Variants in ELMO1 observed in about 807,000 individuals in gnomAD.
ELMO1 encodes the protein engulfment and cell motility protein 1.
Under a neutral mutation model 98.9 loss-of-function variants are expected in ELMO1, and 26 were observed. That is an observed-to-expected ratio of 0.26 (90% CI 0.19 to 0.36). The LOEUF (loss-of-function observed/expected upper bound fraction) is 0.36. Ranked by LOEUF, ELMO1 falls within the 10% of genes least tolerant of loss-of-function variation. ELMO1 has a pLI of 1.00. For synonymous variants in ELMO1, 346 were observed against 346.0 expected (o/e 1.00, Z 0.00); for missense variants, 627 against 935.2 (o/e 0.67, Z 4.30).
At chr7:37,362,436 A>C (rs1370379448) in intron 1 of ELMO1, among the ~76,000 whole-genome samples, 1 of 152,158 alleles carries the variant, frequency 6.6e-6, no homozygotes, top group Non-Finnish European at 1.5e-5. Flanking sequence ...TAGCACTTTT[A>C]AGATTGCTTG....
chr7:36,874,877 CA>C (rs1284163014), intron 19 of ELMO1, among the ~76,000 whole-genome samples: 1 of 152,094 alleles, frequency 6.6e-6, no homozygotes, highest in African/African-American at 2.4e-5. Flanking sequence ...AATTTCCTGA[CA>C]AAGAAAAGGA....
chr7:37,148,329 T>C (rs554883552), intron 13 of ELMO1, among the ~76,000 whole-genome samples: 1 of 152,260 alleles, frequency 6.6e-6, no homozygotes. Flanking sequence ...GAAAACACAA[T>C]GAAAGATCAT....
chr7:37,151,567 C>G (rs536970461), intron 13 of ELMO1, among the ~76,000 whole-genome samples: 1 of 152,166 alleles, frequency 6.6e-6, no homozygotes, highest in South Asian at 2.1e-4. Flanking sequence ...TTTTGACGTA[C>G]AAAAATGTAA....
At chr7:37,320,553 A>C (rs1799429947) in intron 2 of ELMO1, among the ~76,000 whole-genome samples, 1 of 152,156 alleles carries the variant, frequency 6.6e-6, no homozygotes, top group Admixed American at 6.5e-5. Flanking sequence ...ACCTCCTCTA[A>C]TCAGATGCCC....
intron 1 of ELMO1, among the ~76,000 whole-genome samples, chr7:37,426,507 A>G (rs939827296): frequency 6.6e-6 from 1 of 152,124 alleles, no homozygotes. Context: ...AAAGGCCTGA[A>G]GTGAGAACTA....
intron 20 of ELMO1, among the ~76,000 whole-genome samples, chr7:36,865,616 T>C (rs1802980423): frequency 6.6e-6 from 1 of 152,210 alleles, no homozygotes; most frequent in Admixed American, 6.5e-5. Context: ...TTCCTCCTTT[T>C]GGAAAGTCTT....
At chr7:37,102,787 T>C (rs188195343) in intron 14 of ELMO1, among the ~76,000 whole-genome samples, 3 of 152,188 alleles carry the variant, frequency 2.0e-5, no homozygotes, top group Non-Finnish European at 2.9e-5. Context: ...AGACCCAGCA[T>C]GGAAGCTTAG....
intron 16 of ELMO1, among the ~76,000 whole-genome samples, chr7:37,005,128 A>AAAAAG (rs1562890659): frequency 4.6e-5 from 7 of 150,604 alleles, no homozygotes; most frequent in Non-Finnish European, 7.4e-5. Context: ...AAAAAAAAAA[A>AAAAAG]AAAAGAAAAA....
At chr7:36,961,439 T>C (rs1196382410) in intron 16 of ELMO1, among the ~76,000 whole-genome samples, 1 of 152,226 alleles carries the variant, frequency 6.6e-6, no homozygotes, top group Non-Finnish European at 1.5e-5. Context: ...ACAATATTAG[T>C]AGCCATACTA....
At chr7:37,136,735 T>C (rs2129303514) in intron 13 of ELMO1, among the ~76,000 whole-genome samples, 1 of 149,260 alleles carries the variant, frequency 6.7e-6, no homozygotes, top group East Asian at 1.9e-4. Context: ...CTCTAAATCT[T>C]GAAACAAATC....
chr7:36,863,095 G>C (rs542117338), intron 20 of ELMO1, among the ~76,000 whole-genome samples: 1 of 152,252 alleles, frequency 6.6e-6, no homozygotes, highest in East Asian at 1.9e-4. Context: ...CATTGAGAGG[G>C]GGCAGGTCTT....
chr7:37,142,957 G>A (rs1361532674), intron 13 of ELMO1, among the ~76,000 whole-genome samples: 1 of 152,028 alleles, frequency 6.6e-6, no homozygotes, highest in African/African-American at 2.4e-5. Flanking sequence ...TGTCCTTCAA[G>A]CCTCCTTTTA....
intron 13 of ELMO1, chr7:37,197,176 G>A (rs1453607670): frequency 3.9e-5 from 6 of 152,230 alleles, no homozygotes; most frequent in Non-Finnish European, 7.3e-5. Context: ...TAGGTTTGCA[G>A]AGTTCATGGA....
intron 1 of ELMO1, among the ~76,000 whole-genome samples, chr7:37,420,516 G>A (rs1024748937): frequency 6.6e-6 from 1 of 152,184 alleles, no homozygotes; most frequent in Non-Finnish European, 1.5e-5. Flanking sequence ...GGCTGTGCTC[G>A]ATAAACCAGT....
At chr7:37,320,241 T>C (rs1249995162) in intron 2 of ELMO1, among the ~76,000 whole-genome samples, 8 of 151,338 alleles carry the variant, frequency 5.3e-5, no homozygotes, top group Non-Finnish European at 1.2e-4. Context: ...CAAGCGCCAC[T>C]GCAGTCCAGC....
At chr7:37,138,769 A>T (rs1045151737) in intron 13 of ELMO1, among the ~76,000 whole-genome samples, 1 of 152,154 alleles carries the variant, frequency 6.6e-6, no homozygotes, top group Non-Finnish European at 1.5e-5. Context: ...AGGACATCAT[A>T]AAAAAAGAAA....
At chr7:37,317,724 C>T (rs1799266003) in intron 2 of ELMO1, among the ~76,000 whole-genome samples, 1 of 148,520 alleles carries the variant, frequency 6.7e-6, no homozygotes, top group African/African-American at 2.5e-5. Context: ...TAATGAGTTC[C>T]AAAAAAAAAT....
intron 15 of ELMO1, among the ~76,000 whole-genome samples, chr7:37,080,307 A>T (rs1023773787): frequency 6.6e-6 from 1 of 152,192 alleles, no homozygotes; most frequent in Non-Finnish European, 1.5e-5. Context: ...CAATTCTTTG[A>T]AATTATAAAT....
intron 1 of ELMO1, among the ~76,000 whole-genome samples, chr7:37,435,597 T>C (rs757647543): frequency 5.3e-5 from 8 of 152,252 alleles, no homozygotes; most frequent in Non-Finnish European, 8.8e-5. Flanking sequence ...TCACAACTTC[T>C]TGTATTTTCA....
Sources: gnomAD v4.1 joint callset for allele counts (sites outside exome capture counted in the v4.1 genomes callset) on GRCh38, gnomAD v4.1.1 for gene constraint, MANE v1.5 for transcripts, NCBI Gene and HGNC (gene_info 2026-07-23, HGNC 2026-07-21) for gene names.